Variants in CACNA2D2 observed in about 807,000 individuals in gnomAD.
The protein encoded by CACNA2D2 is calcium voltage-gated channel auxiliary subunit alpha2delta 2.
A neutral mutation model predicts 166.4 loss-of-function variants in CACNA2D2; 48 were observed. The observed-to-expected ratio is 0.29, with a 90% CI of 0.23 to 0.37. The LOEUF is 0.37. Among genes scored for constraint, CACNA2D2 ranks in the 10% least tolerant of loss-of-function variants. The pLI, the probability that CACNA2D2 is intolerant of heterozygous loss-of-function variation, is 1.00. For synonymous variants in CACNA2D2, 561 were observed against 573.7 expected (o/e 0.98, Z 0.32); for missense variants, 1,122 against 1,433.0 (o/e 0.78, Z 3.50).
chr3:50,386,995 A>G (rs2106699789), intron 5 of CACNA2D2, among the ~76,000 whole-genome samples: 1 of 152,302 alleles, frequency 6.6e-6, no homozygotes, highest in South Asian at 2.1e-4. Flanking sequence ...TCACTACCTC[A>G]GAGGGCAGCC....
intron 3 of CACNA2D2, among the ~76,000 whole-genome samples, chr3:50,432,802 C>T (rs1245568433): frequency 6.6e-6 from 1 of 152,198 alleles, no homozygotes; most frequent in African/African-American, 2.4e-5. Context: ...TTTCATGGCC[C>T]CAGGTCACAT....
intron 4 of CACNA2D2, among the ~76,000 whole-genome samples, chr3:50,393,687 CAGGGAAGTCAGGGA>C (rs566005890): frequency 4.6e-5 from 7 of 152,230 alleles, no homozygotes; most frequent in East Asian, 1.9e-4. Context: ...GGTTGCTGTT[CAGGGAAGTCAGGGA>C]AGGGAAGTCA....
At chr3:50,439,650 G>A (rs1708500051) in intron 2 of CACNA2D2, among the ~76,000 whole-genome samples, 1 of 152,226 alleles carries the variant, frequency 6.6e-6, no homozygotes, top group African/African-American at 2.4e-5. Context: ...GAGAGACTGT[G>A]GGCGAGGCCT....
chr3:50,486,006 C>T (rs954505334), intron 1 of CACNA2D2, among the ~76,000 whole-genome samples: 1 of 152,050 alleles, frequency 6.6e-6, no homozygotes, highest in Admixed American at 6.5e-5. Context: ...TTGGGGTCTG[C>T]GACACCTCCT....
At chr3:50,391,796 G>C (rs1705906835) in intron 4 of CACNA2D2, among the ~76,000 whole-genome samples, 1 of 152,230 alleles carries the variant, frequency 6.6e-6, no homozygotes, top group African/African-American at 2.4e-5. Flanking sequence ...CCGGCTGATG[G>C]TGCAGTGGAT....
chr3:50,454,325 G>A (rs945198400), intron 2 of CACNA2D2, among the ~76,000 whole-genome samples: 15 of 152,196 alleles, frequency 9.9e-5, no homozygotes, highest in African/African-American at 3.4e-4. Context: ...GCAGAGTGCC[G>A]GAGAAGTTGG....
chr3:50,370,831 A>G (rs1704620559), intron 22 of CACNA2D2, among the ~76,000 whole-genome samples: 1 of 152,122 alleles, frequency 6.6e-6, no homozygotes, highest in Non-Finnish European at 1.5e-5. Flanking sequence ...GCCTCCAAAG[A>G]GACTTTGAGG....
At chr3:50,406,644 C>T (rs900936129) in intron 3 of CACNA2D2, among the ~76,000 whole-genome samples, 4 of 151,786 alleles carry the variant, frequency 2.6e-5, no homozygotes, top group Non-Finnish European at 5.9e-5. Context: ...CCATCACCAT[C>T]AGCTCCACCA....
At position 50,380,458 on chromosome 3, in the gene CACNA2D2, C is replaced by T. The variant is rs1405640591; in HGVS notation, c.842+290G>A. Among the ~76,000 whole-genome samples the T allele has an allele frequency of 6.6e-6, 1 of 152,172 alleles. No individual in the cohort carries two copies. The highest frequency in any genetic ancestry group is 1.5e-5 in the Non-Finnish European group (1 of 68,040). On this transcript the variant is annotated intron_variant, in intron 8 of 37. Transcript: ENST00000424201. This position sits in a 1 kb window ranked among gnomAD's most constrained non-coding sequence, Gnocchi z 4.9. ...GACGGGTGGGGCAGGGACTGGCCAA[C>T]CCTACAGAGGCTACATCTGCCTTTG...
intron 3 of CACNA2D2, among the ~76,000 whole-genome samples, chr3:50,418,334 AG>A (rs1239643989): frequency 6.6e-6 from 1 of 152,168 alleles, no homozygotes; most frequent in Non-Finnish European, 1.5e-5. Flanking sequence ...TGGTGTTCAA[AG>A]TTCCCACTGC....
rs1467566898 is a variant in CACNA2D2 at position 50,461,759 on chromosome 3, AAAAAG to A, written c.288+14354_288+14358del. Among the ~76,000 whole-genome samples, 57 of 112,352 alleles carry A rather than the reference AAAAAG, an allele frequency of 5.1e-4. 1 individual carries two copies. The highest frequency in any genetic ancestry group is 1.1e-3 in the Admixed American group (8 of 7,282). The allele number at this position is 112,352 out of a possible 152,430, so 73.7% of individuals were successfully genotyped here. A position where few individuals can be genotyped will look rare whatever the true frequency, so the allele number is the denominator to read the frequency against. ...CTGGGGAGTCTCAAAAAAAAAAAAA[AAAAAG>A]AAAAAAAGAAAGAAAGGAAGGAAGG... On this transcript the variant is annotated intron_variant, in intron 2 of 37. Coordinates refer to ENST00000424201, the MANE Select transcript of CACNA2D2 (RefSeq NM_006030.4).
At chr3:50,449,252 C>CCCTG (rs1340352992) in intron 2 of CACNA2D2, among the ~76,000 whole-genome samples, 1 of 152,212 alleles carries the variant, frequency 6.6e-6, no homozygotes, top group Non-Finnish European at 1.5e-5. Context: ...TGTGATCCAA[C>CCCTG]CCTGGACCTA....
rs149879736 is a variant in CACNA2D2, at chr3:50,429,882, C to T, written c.405+4431G>A. Among the ~76,000 whole-genome samples, 394 of 152,084 alleles carry T rather than the reference C, an allele frequency of 2.6e-3. 1 individual carries two copies. The Middle Eastern group carries it at 0.054, about 21-fold the overall frequency. The stretch of plus-strand genomic sequence containing the variant: ...CTGCTGACCCCCCGAGAATCTGATG[C>T]GCTTGATCTGAAGCAGAAGCTGGGT... On this transcript the variant is annotated intron_variant, in intron 3 of 37. Transcript: ENST00000424201.
intron 4 of CACNA2D2, among the ~76,000 whole-genome samples, chr3:50,393,884 T>C (rs555786123): frequency 3.3e-5 from 5 of 152,178 alleles, no homozygotes; most frequent in Non-Finnish European, 7.3e-5. Flanking sequence ...CACTCACGGG[T>C]GACTCCACAG....
chr3:50,410,379 C>T (rs959905434), intron 3 of CACNA2D2, among the ~76,000 whole-genome samples: 2 of 152,198 alleles, frequency 1.3e-5, no homozygotes, highest in Non-Finnish European at 2.9e-5. Context: ...GGGGGATCCC[C>T]TAGTGTGAGC....
At chr3:50,484,407 CTCT>C (rs773969179) in intron 1 of CACNA2D2, among the ~76,000 whole-genome samples, 11 of 152,196 alleles carry the variant, frequency 7.2e-5, no homozygotes, top group Non-Finnish European at 1.6e-4. Context: ...CATGTCCCTC[CTCT>C]GTCAACTCCG....
At chr3:50,493,522 A>G (rs1575780645) in intron 1 of CACNA2D2, among the ~76,000 whole-genome samples, 3 of 152,202 alleles carry the variant, frequency 2.0e-5, no homozygotes. Flanking sequence ...CAGTTACACC[A>G]AAAGCGAGGC....
intron 3 of CACNA2D2, among the ~76,000 whole-genome samples, chr3:50,411,888 C>T (rs914102537): frequency 6.6e-6 from 1 of 152,212 alleles, no homozygotes; most frequent in East Asian, 1.9e-4. Flanking sequence ...GGTCACACTA[C>T]AGTCCAGGTG....
rs939262379 is a variant in CACNA2D2 at position 50,427,069 on chromosome 3, C to T, written c.405+7244G>A. Among the ~76,000 whole-genome samples, 2 of 152,178 alleles carry T rather than the reference C, an allele frequency of 1.3e-5. No homozygotes were observed. Among genetic ancestry groups the T allele is most frequent in the East Asian group, 1.9e-4 (1 of 5,194 alleles). ...CCAGCTGTTGGGGGTAGCGTCTTTGCCCAAGGCTCACGCTGACCCCAGGGA... is the reference window on the plus strand; with the variant it reads ...CCAGCTGTTGGGGGTAGCGTCTTTGTCCAAGGCTCACGCTGACCCCAGGGA... On this transcript the variant is annotated intron_variant, in intron 3 of 37. Coordinates refer to ENST00000424201, the MANE Select transcript of CACNA2D2 (RefSeq NM_006030.4). This position sits in a 1 kb window ranked among gnomAD's most constrained non-coding sequence, Gnocchi z 4.7.
Sources: allele counts gnomAD v4.1 joint callset (sites outside exome capture counted in the v4.1 genomes callset), GRCh38; gene constraint gnomAD v4.1.1; non-coding constraint Gnocchi (gnomAD v3.1); transcripts MANE v1.5; gene names NCBI Gene and HGNC (gene_info 2026-07-23, HGNC 2026-07-21).